Variants in CDYL observed in about 807,000 individuals in gnomAD.
CDYL encodes the protein chromodomain Y-like protein.
A neutral mutation model predicts 47.3 loss-of-function variants in CDYL; 8 were observed. The ratio of observed to expected loss-of-function variants is 0.17; its 90% CI spans 0.10 to 0.31. CDYL has a LOEUF of 0.31. CDYL is among the 10% of genes least tolerant of loss of function. CDYL has a pLI of 1.00. For missense variants in CDYL, 471 were observed against 701.4 expected (o/e 0.67, Z 3.71); for synonymous variants, 266 against 265.0 (o/e 1.00, Z -0.04).
chr6:4,921,469 T>C (rs1277010989), intron 2 of CDYL, among the ~76,000 whole-genome samples: 3 of 152,166 alleles, frequency 2.0e-5, no homozygotes, highest in Non-Finnish European at 4.4e-5. Context: ...TCTTGATCTT[T>C]TTATGTTTTA....
At chr6:4,867,729 T>C (rs1438129260) in intron 1 of CDYL, among the ~76,000 whole-genome samples, 1 of 151,896 alleles carries the variant, frequency 6.6e-6, no homozygotes, top group African/African-American at 2.4e-5. Context: ...GGGATTTTCA[T>C]GTCTGTGTTT....
intron 3 of CDYL, among the ~76,000 whole-genome samples, chr6:4,764,735 A>T (rs1332861574): frequency 6.6e-6 from 1 of 152,264 alleles, no homozygotes; most frequent in African/African-American, 2.4e-5. Flanking sequence ...ATGCAAAGCA[A>T]AAACTACACA....
intron 3 of CDYL, among the ~76,000 whole-genome samples, chr6:4,760,372 C>CAAAA (rs35627666): frequency 1.9e-5 from 2 of 103,582 alleles, no homozygotes; most frequent in Non-Finnish European, 4.1e-5. Flanking sequence ...CACAGCAATA[C>CAAAA]AAAAAAAAAA....
chr6:4,943,337 A>G (rs559479595), intron 4 of CDYL, among the ~76,000 whole-genome samples: 1 of 152,280 alleles, frequency 6.6e-6, no homozygotes, highest in Admixed American at 6.5e-5. Context: ...CAGCCACTAC[A>G]TGCGTGGGCT....
At chr6:4,884,366 C>T (rs1761845430) in intron 1 of CDYL, among the ~76,000 whole-genome samples, 1 of 152,076 alleles carries the variant, frequency 6.6e-6, no homozygotes, top group East Asian at 1.9e-4. Flanking sequence ...TAATTGGAGT[C>T]CTGTTGATAG....
chr6:4,904,785 A>C (rs1757176793), intron 2 of CDYL, among the ~76,000 whole-genome samples: 1 of 152,230 alleles, frequency 6.6e-6, no homozygotes, highest in Non-Finnish European at 1.5e-5. Context: ...GAAAAGCTGT[A>C]AACGGCTTTG....
intron 1 of CDYL, among the ~76,000 whole-genome samples, chr6:4,856,552 C>G (rs1303772220): frequency 6.6e-6 from 1 of 152,164 alleles, no homozygotes. Flanking sequence ...AGCAGGGGAA[C>G]AGCTGTGAGG....
At chr6:4,799,147 G>T (rs1160709544) in intron 1 of CDYL, among the ~76,000 whole-genome samples, 3 of 152,160 alleles carry the variant, frequency 2.0e-5, no homozygotes, top group African/African-American at 7.2e-5. Context: ...TATTTTCTGG[G>T]TTGATTTGTG....
intron 1 of CDYL, among the ~76,000 whole-genome samples, chr6:4,830,937 C>T (rs905967369): frequency 6.6e-5 from 10 of 152,086 alleles, no homozygotes; most frequent in African/African-American, 2.2e-4. Context: ...CTGAGCTCAT[C>T]ATTTTTTATG....
intron 1 of CDYL, among the ~76,000 whole-genome samples, chr6:4,866,083 A>T (rs1323785992): frequency 6.6e-6 from 1 of 152,208 alleles, no homozygotes; most frequent in Non-Finnish European, 1.5e-5. Flanking sequence ...TTAGATTAGA[A>T]ACTGAATTTC....
In CDYL at chr6:4,845,015, T is replaced by C. The variant is rs370397937; in HGVS notation, c.25-46698T>C. The stretch of plus-strand genomic sequence containing the variant: ...TATCCAATCAAAAATAGAAGGGCCA[T>C]GAAATTATTCTTTCTACAATTTGAG... On this transcript the variant is annotated intron_variant, in intron 1 of 6. Coordinates refer to ENST00000397588, the MANE Select transcript of CDYL (RefSeq NM_004824.4). Among the ~76,000 whole-genome samples the C allele has an allele frequency of 2.0e-5, 3 of 152,336 alleles. No individual in the cohort carries two copies. The East Asian group carries it at 5.8e-4, about 29-fold the overall frequency.
chr6:4,857,020 A>G (rs1481061371), intron 1 of CDYL, among the ~76,000 whole-genome samples: 1 of 152,224 alleles, frequency 6.6e-6, no homozygotes, highest in Admixed American at 6.5e-5. Flanking sequence ...AGAGAAGCCA[A>G]CTTAAGAGAA....
chr6:4,770,023 G>C (rs558445387), intron 3 of CDYL, among the ~76,000 whole-genome samples: 49 of 150,998 alleles, frequency 3.2e-4, no homozygotes, highest in African/African-American at 1.0e-3. Context: ...TTTTAGAAGA[G>C]ATGGGGTTTC....
At chr6:4,800,693 A>G (rs1167765859) in intron 1 of CDYL, among the ~76,000 whole-genome samples, 1 of 152,182 alleles carries the variant, frequency 6.6e-6, no homozygotes, top group Non-Finnish European at 1.5e-5. Flanking sequence ...TCTGAATACT[A>G]GAATTCTTGG....
intron 2 of CDYL, among the ~76,000 whole-genome samples, chr6:4,913,247 C>T (rs1300337862): frequency 6.6e-6 from 1 of 152,126 alleles, no homozygotes; most frequent in East Asian, 1.9e-4. Flanking sequence ...TTTATTAACA[C>T]TCTTCCTTAT....
rs1373032731 is a variant in CDYL, at chr6:4,724,801, C to CA, written c.103+8923dup. The CA allele has an allele frequency of 1.1e-4, 17 of 152,030 alleles. 1 individual carries two copies. The highest frequency in any genetic ancestry group is 3.6e-4 in the African/African-American group (15 of 41,392). The allele number at this position is 152,030 out of a possible 1,614,324, so 9.4% of individuals were successfully genotyped here. A position where few individuals can be genotyped will look rare whatever the true frequency, so the allele number is the denominator to read the frequency against. On this transcript the variant is annotated intron_variant, in intron 2 of 8. Coordinates refer to the CDYL transcript ENST00000328908. ...ACAACTCACAAAAGCAGTGTGGACT[C>CA]AAAGAATTAGCAGCAACAATATTTA...
chr6:4,772,049 C>G (rs1284276025), upstream of CDYL, among the ~76,000 whole-genome samples: 2 of 152,208 alleles, frequency 1.3e-5, no homozygotes, highest in Non-Finnish European at 2.9e-5. Context: ...CAAGGATTCT[C>G]TTGGTAGAAC....
rs1394672355 is a variant in CDYL, at chr6:4,891,922, T to C, written c.234T>C (p.Asn78=). The change falls in exon 2 of 7, where the codon AAT becomes AAC. Residue 78 remains asparagine (N), a synonymous_variant. Coordinates refer to ENST00000397588, the MANE Select transcript of CDYL (RefSeq NM_004824.4). ...GAACAAACAGGACCTCTCCCAACAA[T>C]GCTAGGAAACAAATCTCCAGATCCA... ...LTRTNRTSPN[N]ARKQISRSTN... 5.0e-6 allele frequency: 8 copies of C among 1,613,938 alleles called. No individual in the cohort carries two copies. In the Admixed American group the frequency reaches 5.0e-5, roughly 10 times the overall value.
chr6:4,747,439 G>A (rs991877219), intron 3 of CDYL, among the ~76,000 whole-genome samples: 12 of 152,074 alleles, frequency 7.9e-5, no homozygotes, highest in African/African-American at 2.4e-4. Flanking sequence ...ATTTATTTAT[G>A]TATTTGTGAT....
Sources: gnomAD v4.1 joint callset for allele counts (sites outside exome capture counted in the v4.1 genomes callset) on GRCh38, gnomAD v4.1.1 for gene constraint, MANE v1.5 for transcripts, NCBI Gene and HGNC (gene_info 2026-07-23, HGNC 2026-07-21) for gene names.